The following TSNARE1 variants were observed in gnomAD, a reference collection of about 807,000 sequenced individuals.
TSNARE1 encodes t-SNARE domain containing 1.
In TSNARE1, 49 loss-of-function variants were observed where a neutral mutation model predicts 62.0. The ratio of observed to expected loss-of-function variants is 0.79; its 90% CI spans 0.63 to 1.00. TSNARE1 has a LOEUF of 1.00. Among genes scored for constraint, TSNARE1 ranks in the 50% least tolerant of loss-of-function variants. The probability of loss-of-function intolerance (pLI) is 0.00; values close to 1 mark genes in which losing one functional copy is unlikely to be tolerated. For missense variants in TSNARE1, 755 were observed against 700.1 expected (o/e 1.08, Z -0.88); for synonymous variants, 328 against 294.4 (o/e 1.11, Z -1.17).
intron 1 of TSNARE1, among the ~76,000 whole-genome samples, chr8:142,375,400 G>A (rs1032751398): frequency 6.6e-5 from 10 of 152,378 alleles, no homozygotes; most frequent in Admixed American, 2.0e-4. Flanking sequence ...CAGTGCGGGT[G>A]TGTCCCTAAG....
chr8:142,226,147 G>T (rs1266238495), intron 13 of TSNARE1, among the ~76,000 whole-genome samples: 1 of 152,218 alleles, frequency 6.6e-6, no homozygotes, highest in Non-Finnish European at 1.5e-5. Flanking sequence ...AGGTGCTGGG[G>T]TGGAGACCCT....
At chr8:142,294,813 C>T (rs1342587858) in intron 10 of TSNARE1, among the ~76,000 whole-genome samples, 4 of 152,238 alleles carry the variant, frequency 2.6e-5, no homozygotes, top group Admixed American at 6.5e-5. Flanking sequence ...GACACCTCCT[C>T]GCCCATGCCA....
chr8:142,271,940 G>A (rs938775727), intron 12 of TSNARE1, among the ~76,000 whole-genome samples: 3 of 151,912 alleles, frequency 2.0e-5, no homozygotes, highest in Non-Finnish European at 2.9e-5. Flanking sequence ...CAAAGCCTGC[G>A]TGCCCACTCA....
chr8:142,295,943 G>C (rs1252455140), intron 10 of TSNARE1, among the ~76,000 whole-genome samples: 2 of 147,212 alleles, frequency 1.4e-5, no homozygotes, highest in Non-Finnish European at 3.0e-5. Flanking sequence ...GCTCAGGACA[G>C]GCCTAGCACT....
chr8:142,354,157 G>A (rs182247553), intron 2 of TSNARE1, among the ~76,000 whole-genome samples: 11 of 152,256 alleles, frequency 7.2e-5, no homozygotes, highest in Non-Finnish European at 1.0e-4. Context: ...GAAGAGCAGC[G>A]GCTCGACGCT....
chr8:142,389,062 T>G (rs13278986), intron 1 of TSNARE1, among the ~76,000 whole-genome samples: 23,098 of 152,038 alleles, frequency 0.15, 2,467 homozygotes, highest in African/African-American at 0.3. Flanking sequence ...ACAAACAGCC[T>G]AACGAAACAG....
Position 142,391,263 on chromosome 8 carries a change from A to G in TSNARE1, c.-40+11841T>C, listed in dbSNP as rs368599666. On this transcript the variant is annotated intron_variant, in intron 1 of 13. Coordinates refer to ENST00000524325, the MANE Select transcript of TSNARE1 (RefSeq NM_145003.5). ...GCTGTACACTGCTGGGGACTCTATA[A>G]CAGACGCTGTACACTGCTGGGGACT... 3.3e-3 allele frequency among the ~76,000 whole-genome samples: 429 copies of G among 131,432 alleles called. 8 individuals carry two copies. Among genetic ancestry groups the G allele is most frequent in the African/African-American group, 3.7e-3 (125 of 34,032 alleles). The allele number at this position is 131,432 out of a possible 152,430, so 86.2% of individuals were successfully genotyped here.
At chr8:142,322,923 T>C (rs979661915) in intron 6 of TSNARE1, among the ~76,000 whole-genome samples, 4 of 141,806 alleles carry the variant, frequency 2.8e-5, no homozygotes, top group African/African-American at 1.1e-4. Flanking sequence ...CTGGATGATA[T>C]TGTTATGAAA....
intron 6 of TSNARE1, among the ~76,000 whole-genome samples, chr8:142,326,457 G>A (rs1407498121): frequency 9.4e-6 from 1 of 105,990 alleles, no homozygotes; most frequent in African/African-American, 4.3e-5. Flanking sequence ...CAGCACCAGC[G>A]AAGGGGAGGG....
chr8:142,240,239 T>A (rs1379897126), intron 12 of TSNARE1, among the ~76,000 whole-genome samples: 1 of 152,198 alleles, frequency 6.6e-6, no homozygotes, highest in African/African-American at 2.4e-5. Context: ...ATAAAAAGCA[T>A]TATGTGGCAT....
intron 9 of TSNARE1, 133 bp from the exon 10 acceptor site, chr8:142,300,777 T>TGAGGCGACGATCTGGGTCA: frequency 8.5e-7 from 1 of 1,177,132 alleles, no homozygotes; most frequent in Non-Finnish European, 1.2e-6. Context: ...GATCTGGGTC[T>TGAGGCGACGATCTGGGTCA]GAGGCGGGGG....
intron 12 of TSNARE1, among the ~76,000 whole-genome samples, chr8:142,262,355 A>G (rs1196736214): frequency 1.3e-5 from 2 of 151,774 alleles, no homozygotes; most frequent in Non-Finnish European, 1.5e-5. Context: ...GTGTCCATTT[A>G]TTTAGAATTT....
Position 142,300,446 on chromosome 8 carries a change from G to C in TSNARE1, c.1290+40C>G, listed in dbSNP as rs763554966. On this transcript the variant is annotated intron_variant, in intron 10 of 13. Coordinates refer to ENST00000524325, the MANE Select transcript of TSNARE1 (RefSeq NM_145003.5). The stretch of plus-strand genomic sequence containing the variant: ...CTCCTCTGGTTCCCAGCCTCATGTG[G>C]AGTGTGGAGAGTGAGCACGCTTGCC... 5.7e-6 allele frequency: 9 copies of C among 1,568,654 alleles called. No homozygotes were observed. In the Admixed American group the frequency reaches 1.6e-4, roughly 27 times the overall value.
At chr8:142,279,534 C>G (rs75663682) in intron 11 of TSNARE1, among the ~76,000 whole-genome samples, 1 of 152,348 alleles carries the variant, frequency 6.6e-6, no homozygotes, top group African/African-American at 2.4e-5. Flanking sequence ...CATCTGGACA[C>G]CCGGTGGGCA....
intron 6 of TSNARE1, among the ~76,000 whole-genome samples, chr8:142,320,015 C>T (rs1403956466): frequency 6.6e-6 from 1 of 152,150 alleles, no homozygotes; most frequent in Non-Finnish European, 1.5e-5. Flanking sequence ...TGGCTTAACA[C>T]TGTGAGAAGG....
chr8:142,350,954 G>C (rs1483521962), intron 2 of TSNARE1, among the ~76,000 whole-genome samples: 1 of 152,236 alleles, frequency 6.6e-6, no homozygotes, highest in African/African-American at 2.4e-5. Flanking sequence ...GACACTCCTA[G>C]AGGCCGTCGG....
At chr8:142,401,600 A>G (rs7357419) in intron 1 of TSNARE1, among the ~76,000 whole-genome samples, 128,723 of 152,042 alleles carry the variant, frequency 0.85, 54,578 homozygotes, top group African/African-American at 0.86. Flanking sequence ...CCCAGCATCT[A>G]CAGAAGGCCA....
intron 12 of TSNARE1, chr8:142,274,398 C>T: frequency 1.0e-6 from 1 of 985,474 alleles, no homozygotes. Context: ...CCTGCCCCAA[C>T]CACAAAGTCC....
chr8:142,217,275 T>C (rs1195419907), intron 13 of TSNARE1, among the ~76,000 whole-genome samples: 1 of 82,056 alleles, frequency 1.2e-5, no homozygotes, highest in Non-Finnish European at 2.8e-5. Flanking sequence ...AATAAAATAA[T>C]AAAATAAAAA....
Sources: gnomAD v4.1 joint callset for allele counts (sites outside exome capture counted in the v4.1 genomes callset) on GRCh38, gnomAD v4.1.1 for gene constraint, MANE v1.5 for transcripts, NCBI Gene and HGNC (gene_info 2026-07-23, HGNC 2026-07-21) for gene names.